Variants in YTHDC2 observed in about 807,000 individuals in gnomAD.
The protein encoded by YTHDC2 is 3'-5' RNA helicase YTHDC2.
In YTHDC2, 45 loss-of-function variants were observed where a neutral mutation model predicts 174.9. The ratio of observed to expected loss-of-function variants is 0.26; its 90% CI spans 0.20 to 0.33. The LOEUF is 0.33. Ranked by LOEUF, YTHDC2 falls within the 10% of genes least tolerant of loss-of-function variation. The probability of loss-of-function intolerance (pLI) is 1.00; values close to 1 mark genes in which losing one functional copy is unlikely to be tolerated. For synonymous variants in YTHDC2, 657 were observed against 574.5 expected (o/e 1.14, Z -2.05); for missense variants, 1,650 against 1,723.7 (o/e 0.96, Z 0.76).
chr5:113,554,091 A>G (rs943696823), intron 16 of YTHDC2, 69 bp downstream of exon 16: 2 of 1,281,982 alleles, frequency 1.6e-6, no homozygotes, highest in Non-Finnish European at 2.1e-6. Flanking sequence ...AAATACTTTT[A>G]TTTATTATTT....
intron 16 of YTHDC2, 67 bp downstream of exon 16, chr5:113,554,089 T>A: frequency 7.8e-7 from 1 of 1,275,410 alleles, no homozygotes; most frequent in Non-Finnish European, 1.0e-6. Context: ...ACAAATACTT[T>A]TATTTATTAT....
chr5:113,553,788 T>C lies in YTHDC2; in HGVS notation c.1986T>C (p.His662=). 2 of 1,612,686 alleles carry C rather than the reference T, an allele frequency of 1.2e-6. No individual in the cohort carries two copies. The highest frequency in any genetic ancestry group is 1.7e-6 in the Non-Finnish European group (2 of 1,179,398). The change falls in exon 15 of 30, where the codon CAT becomes CAC. Residue 662 remains histidine, a synonymous_variant. Coordinates refer to ENST00000161863, the MANE Select transcript of YTHDC2 (RefSeq NM_022828.5). The part of the protein sequence containing the change: ...STHRYQVFML[H]SNMQTSDQKK... The stretch of plus-strand genomic sequence containing the variant: ...GCAGATACCAAGTCTTTATGCTTCA[T>C]TCAAATATGCAAACATCCGATCAAA...
At chr5:113,519,605 C>T in intron 2 of YTHDC2, among the ~76,000 whole-genome samples, 1 of 152,122 alleles carries the variant, frequency 6.6e-6, no homozygotes, top group East Asian at 1.9e-4. Flanking sequence ...AAATAGAGTA[C>T]CAAAGTACAG....
chr5:113,584,923 T>G (rs1001072057), intron 26 of YTHDC2, among the ~76,000 whole-genome samples: 1 of 151,346 alleles, frequency 6.6e-6, no homozygotes, highest in Non-Finnish European at 1.5e-5. Flanking sequence ...CACAGGTGCA[T>G]GCCACCATGC....
chr5:113,559,298 G>A (rs1279856645), intron 17 of YTHDC2, among the ~76,000 whole-genome samples: 1 of 152,078 alleles, frequency 6.6e-6, no homozygotes, highest in African/African-American at 2.4e-5. Flanking sequence ...ATATTAACTT[G>A]TTATAACGTA....
intron 23 of YTHDC2, among the ~76,000 whole-genome samples, chr5:113,572,063 G>C (rs1399401286): frequency 6.6e-6 from 1 of 152,090 alleles, no homozygotes; most frequent in Non-Finnish European, 1.5e-5. Context: ...GAGATGTTAG[G>C]TGGTTAACTT....
In YTHDC2 at chr5:113,553,952, C is replaced by A; in HGVS notation, c.2063C>A (p.Thr688Asn). 6.3e-7 allele frequency: 1 copy of A among 1,583,828 alleles called. No homozygotes were observed. Among genetic ancestry groups the A allele is most frequent in the Non-Finnish European group, 8.6e-7 (1 of 1,168,968 alleles). Reference protein sequence around the residue: ...PAGVRKIILSTNIAETSITVN... With the variant: ...PAGVRKIILSNNIAETSITVN... ...AATATCTTGTTGCAGATTCTTTCCA[C>A]CAATATTGCTGAAACCAGCATCACA... Residue 688 changes from threonine to asparagine, a missense_variant, in exon 16 of 30, where the codon ACC (threonine) becomes AAC (asparagine). Transcript: ENST00000161863.
intron 18 of YTHDC2, among the ~76,000 whole-genome samples, chr5:113,562,207 A>G (rs1206464251): frequency 6.9e-6 from 1 of 145,316 alleles, no homozygotes; most frequent in African/African-American, 2.6e-5. Context: ...TCCTCCTGGG[A>G]GAAAATTCAG....
intron 28 of YTHDC2, chr5:113,592,704 T>C (rs987966692): frequency 1.3e-5 from 2 of 152,434 alleles, no homozygotes; most frequent in Non-Finnish European, 2.9e-5. Context: ...CAAATCACCA[T>C]GTAAAAAGTG....
Position 113,578,181 on chromosome 5 carries a change from C to CTG in YTHDC2, c.3245-1389_3245-1388dup, listed in dbSNP as rs145482719. Among the ~76,000 whole-genome samples the CTG allele has an allele frequency of 4.0e-3, 605 of 150,240 alleles. 1 individual carries two copies. The highest frequency in any genetic ancestry group is 6.6e-3 in the Non-Finnish European group (447 of 67,310). ...CGGAATAGTGTTTGTGTGTGTGTAT[C>CTG]TGTGTGTGTGTGTGTGTTTTTGTTT... On this transcript the variant is annotated intron_variant, in intron 23 of 29. Transcript: ENST00000161863.
chr5:113,567,292 A>G lies in YTHDC2; in HGVS notation c.3043A>G (p.Lys1015Glu). 1 of 1,606,434 alleles carries G rather than the reference A, an allele frequency of 6.2e-7. No homozygotes were observed. Among genetic ancestry groups the G allele is most frequent in the Middle Eastern group, 1.7e-4 (1 of 5,962 alleles). The change falls in exon 22 of 30, where the codon AAA becomes GAA. Residue 1015 changes from lysine to glutamate, a missense_variant. By Grantham distance (56) the Lys-to-Glu change is moderately conservative. This residue lies in a region of YTHDC2 where 913 missense variants were observed against 940.4 expected (regional missense o/e 0.97). Coordinates refer to ENST00000161863, the MANE Select transcript of YTHDC2 (RefSeq NM_022828.5). ...PASVLSQPQY[K>E]KIPPANGQAA... is the part of the protein sequence containing the mutation. ...TTCAGTTCTCAGTCAGCCTCAATATAAAAAGGTAAAAGATTTTGAATGCTG... is the reference window on the plus strand; with the variant it reads ...TTCAGTTCTCAGTCAGCCTCAATATGAAAAGGTAAAAGATTTTGAATGCTG...
rs531403889 is a variant in YTHDC2, at chr5:113,579,402, C to CT, written c.3245-176dup. Among the ~76,000 whole-genome samples, 93 of 151,760 alleles carry CT rather than the reference C, an allele frequency of 6.1e-4. 1 individual carries two copies. In the Middle Eastern group the frequency reaches 0.014, roughly 22 times the overall value. ...AGACATTATAGTCTTCAAATGGTCCCTTTTTTTTCCTTTTAAATAAATACT... is the reference window on the plus strand; with the variant it reads ...AGACATTATAGTCTTCAAATGGTCCCTTTTTTTTTCCTTTTAAATAAATACT... On this transcript the variant is annotated intron_variant, in intron 23 of 29. Coordinates refer to ENST00000161863, the MANE Select transcript of YTHDC2 (RefSeq NM_022828.5).
rs79136094 is a variant in YTHDC2 at position 113,536,729 on chromosome 5, A to G, written c.1102+931A>G. Among the ~76,000 whole-genome samples the G allele has an allele frequency of 6.5e-3, 997 of 152,214 alleles. 7 individuals are homozygous for G. Among genetic ancestry groups the G allele is most frequent in the African/African-American group, 0.022 (929 of 41,514 alleles). ...ATGCAAATATATACGTATTTATAACATTTACAAAAATTGGCTTTATGGATT... is the reference window on the plus strand; with the variant it reads ...ATGCAAATATATACGTATTTATAACGTTTACAAAAATTGGCTTTATGGATT... On this transcript the variant is annotated intron_variant, in intron 7 of 29. Coordinates refer to ENST00000161863, the MANE Select transcript of YTHDC2 (RefSeq NM_022828.5).
chr5:113,546,362 C>T (rs890080827), intron 10 of YTHDC2, among the ~76,000 whole-genome samples: 14 of 152,052 alleles, frequency 9.2e-5, no homozygotes, highest in Non-Finnish European at 1.3e-4. Context: ...TGTACATTTC[C>T]CAGAGTCCAG....
chr5:113,517,522 G>T (rs1340307247), intron 2 of YTHDC2: 1 of 455,876 alleles, frequency 2.2e-6, no homozygotes, highest in Non-Finnish European at 4.4e-6. Context: ...ATTCAAGAAG[G>T]AAGTTATGGA....
Position 113,567,641 on chromosome 5 carries a change from A to G in YTHDC2, c.3049-13A>G, listed in dbSNP as rs745905270. On this transcript the variant is annotated splice_polypyrimidine_tract_variant and intron_variant, in intron 22 of 29. Transcript: ENST00000161863. ...ACACAATTAACAATTTTTAAAATTT[A>G]TTTTCTTAATAGATTCCTCCAGCCA... The G allele has an allele frequency of 1.3e-6, 2 of 1,566,778 alleles. No homozygotes were observed. Among genetic ancestry groups the G allele is most frequent in the Non-Finnish European group, 8.6e-7 (1 of 1,162,534 alleles).
chr5:113,532,803 T>C, intron 4 of YTHDC2, 76 bp from the exon 5 acceptor site: 2 of 1,368,642 alleles, frequency 1.5e-6, no homozygotes, highest in Non-Finnish European at 2.0e-6. Context: ...ATTCTAGTGG[T>C]TTTTCAGTTG....
At chr5:113,578,111 A>G (rs940422074) in intron 23 of YTHDC2, among the ~76,000 whole-genome samples, 4 of 152,146 alleles carry the variant, frequency 2.6e-5, no homozygotes, top group African/African-American at 9.7e-5. Context: ...AAGTTATACT[A>G]TTGATTATAA....
intron 18 of YTHDC2, among the ~76,000 whole-genome samples, chr5:113,561,966 GT>G (rs1777017115): frequency 5.8e-5 from 6 of 103,410 alleles, no homozygotes; most frequent in East Asian, 5.9e-4. Flanking sequence ...GGGTGTGTGT[GT>G]GTGTGTGTGT....
Sources: allele counts gnomAD v4.1 joint callset (sites outside exome capture counted in the v4.1 genomes callset), GRCh38; gene constraint gnomAD v4.1.1; regional missense constraint gnomAD v4.1.1; transcripts MANE v1.5; gene names NCBI Gene and HGNC (gene_info 2026-07-23, HGNC 2026-07-21).